ZNF18: variants seen among roughly 807,000 people sequenced by gnomAD.
The protein encoded by ZNF18 is heart development-specific gene 1 protein.
In ZNF18, 42 loss-of-function variants were observed where a neutral mutation model predicts 58.1. The ratio of observed to expected loss-of-function variants is 0.72; its 90% CI spans 0.56 to 0.93. The LOEUF (loss-of-function observed/expected upper bound fraction) is 0.93, where lower values mean the gene tolerates loss of function less well. Ranked by LOEUF, ZNF18 falls within the 40% of genes least tolerant of loss-of-function variation. The pLI is 0.00. For missense variants in ZNF18, 540 were observed against 644.2 expected (o/e 0.84, Z 1.75); for synonymous variants, 231 against 239.8 (o/e 0.96, Z 0.34).
Position 11,978,193 on chromosome 17 carries a change from C to T in ZNF18, c.1414G>A (p.Gly472Ser). 9 of 1,614,100 alleles carry T rather than the reference C, an allele frequency of 5.6e-6. No homozygotes were observed. The highest frequency in any genetic ancestry group is 7.6e-6 in the Non-Finnish European group (9 of 1,180,012). ...CGCAATCCTGAGAAGTCACTAAAGC[C>T]TTTCCCACAGTAATCACATTTACAG... ...KPCKCDYCGK[G>S]FSDFSGLRHH... Residue 472 changes from glycine (G) to serine (S), a missense_variant, in exon 7 of 7, where the codon GGC becomes AGC. Transcript: ENST00000580306.
the ZNF18 span, among the ~76,000 whole-genome samples, chr17:12,005,734 T>G: frequency 6.6e-6 from 1 of 152,202 alleles, no homozygotes; most frequent in Admixed American, 6.5e-5. Flanking sequence ...AGAACTTTAT[T>G]CAATAAATAA....
At chr17:12,004,609 C>T in the ZNF18 span, among the ~76,000 whole-genome samples, 5 of 152,132 alleles carry the variant, frequency 3.3e-5, no homozygotes, top group African/African-American at 9.6e-5. Context: ...CGTTTATGGC[C>T]GGGCACGGTG....
In ZNF18 at chr17:11,992,562, G is replaced by A; in HGVS notation, c.268C>T (p.Leu90=). ...TGGATCTCCCCAGGCAGGATGGTCA[G>A]AAACTGCTCCAACATGAGGATCTCT... The part of the protein sequence containing the change: ...ILEILMLEQF[L]TILPGEIQMW... The change falls in exon 2 of 7, where the codon CTG becomes TTG. Residue 90 remains leucine, a synonymous_variant. Transcript: ENST00000580306. 1 of 1,614,232 alleles carries A rather than the reference G, an allele frequency of 6.2e-7. No homozygotes were observed. Among genetic ancestry groups the A allele is most frequent in the Non-Finnish European group, 8.5e-7 (1 of 1,180,044 alleles).
intron 6 of ZNF18, among the ~76,000 whole-genome samples, chr17:11,979,854 T>G (rs1233190105): frequency 6.6e-6 from 1 of 152,162 alleles, no homozygotes; most frequent in Non-Finnish European, 1.5e-5. Context: ...CTCGTGTTTT[T>G]AAAAAAGCCT....
intron 6 of ZNF18, among the ~76,000 whole-genome samples, chr17:11,979,881 A>G (rs961122703): frequency 2.6e-5 from 4 of 152,246 alleles, no homozygotes; most frequent in African/African-American, 9.6e-5. Context: ...ATATCATTTT[A>G]AAGAGCTGAG....
At chr17:11,990,086 G>A (rs1029612514) in intron 4 of ZNF18, among the ~76,000 whole-genome samples, 3 of 151,962 alleles carry the variant, frequency 2.0e-5, no homozygotes, top group African/African-American at 7.2e-5. Flanking sequence ...TAGAAATAAT[G>A]GCCAAAAATT....
intron 4 of ZNF18, among the ~76,000 whole-genome samples, chr17:11,984,683 T>C (rs1379017630): frequency 6.6e-6 from 1 of 151,962 alleles, no homozygotes; most frequent in Non-Finnish European, 1.5e-5. Flanking sequence ...CCTGGCTAAT[T>C]TTTGTATTTT....
At chr17:12,008,035 G>A in the ZNF18 span, among the ~76,000 whole-genome samples, 1 of 152,166 alleles carries the variant, frequency 6.6e-6, no homozygotes, top group East Asian at 1.9e-4. Flanking sequence ...GAGTCTTGAG[G>A]AGGGCCACTG....
chr17:11,992,813 C>A lies in ZNF18; in HGVS notation c.17G>T (p.Gly6Val). ...CGATGGCAGCAGGCCTAGGGCCTGCCCCAAGTCAACGGGCATTGTCCAGCC... is the reference window on the plus strand; with the variant it reads ...CGATGGCAGCAGGCCTAGGGCCTGCACCAAGTCAACGGGCATTGTCCAGCC... MPVDL[G>V]QALGLLPSLA... The change falls in exon 2 of 7, where the codon GGG becomes GTG. Residue 6 changes from glycine (G) to valine (V), a missense_variant. Gly to Val is a moderately radical substitution (Grantham distance 109). Coordinates refer to ENST00000580306, the MANE Select transcript of ZNF18 (RefSeq NM_001303281.2). 6.2e-7 allele frequency: 1 copy of A among 1,612,386 alleles called. No individual in the cohort carries two copies. The highest frequency in any genetic ancestry group is 8.5e-7 in the Non-Finnish European group (1 of 1,179,454).
At chr17:12,021,167 G>A in the ZNF18 span, among the ~76,000 whole-genome samples, 17 of 151,674 alleles carry the variant, frequency 1.1e-4, no homozygotes, top group South Asian at 4.1e-4. Flanking sequence ...GGCCGCCTCC[G>A]GCCCGGCTTG....
At chr17:12,017,341 CT>C in the ZNF18 span, among the ~76,000 whole-genome samples, 1 of 152,204 alleles carries the variant, frequency 6.6e-6, no homozygotes, top group Admixed American at 6.5e-5. Flanking sequence ...ACCTGCACAG[CT>C]TGCAGCTCTC....
the ZNF18 span, among the ~76,000 whole-genome samples, chr17:12,012,455 T>C: frequency 1.3e-5 from 2 of 152,232 alleles, no homozygotes; most frequent in African/African-American, 4.8e-5. Flanking sequence ...AACGTGAGAA[T>C]ATCTGTAAGA....
At chr17:12,020,970 G>A in the ZNF18 span, 1 of 1,213,162 alleles carries the variant, frequency 8.2e-7, no homozygotes, top group Non-Finnish European at 1.0e-6. Context: ...GGTCCCCGGC[G>A]CCAGGCCACC....
intron 4 of ZNF18, among the ~76,000 whole-genome samples, chr17:11,985,376 ACTTT>A (rs1182790266): frequency 6.6e-6 from 1 of 152,184 alleles, no homozygotes; most frequent in African/African-American, 2.4e-5. Context: ...CAACGTTGCC[ACTTT>A]CTAGCTGTGC....
the ZNF18 span, among the ~76,000 whole-genome samples, chr17:12,009,426 C>T: frequency 6.6e-6 from 1 of 151,654 alleles, no homozygotes; most frequent in Non-Finnish European, 1.5e-5. Context: ...CATCTCTGTG[C>T]CATACATTCC....
In ZNF18 at chr17:11,978,636, G is replaced by A; in HGVS notation, c.971C>T (p.Ser324Phe). Residue 324 changes from serine (S) to phenylalanine (F), a missense_variant, in exon 7 of 7, where the codon TCC becomes TTC. Physicochemically the swap from Ser to Phe is radical, Grantham distance 155. Transcript: ENST00000580306. The stretch of plus-strand genomic sequence containing the variant: ...ATCCTCAGTGAAGAAGCCCCTCAAG[G>A]AAGCCTGAGAAGGAACCTCTCCTGA... ...QASGEVPSQA[S>F]LRGFFTEDEP... 6.2e-7 allele frequency: 1 copy of A among 1,613,918 alleles called. No individual in the cohort carries two copies. The highest frequency in any genetic ancestry group is 1.1e-5 in the South Asian group (1 of 91,068).
chr17:11,978,249 T>C lies in ZNF18; in HGVS notation c.1358A>G (p.Lys453Arg), dbSNP rs1269763481. The C allele has an allele frequency of 3.7e-6, 6 of 1,613,236 alleles. No individual in the cohort carries two copies. The highest frequency in any genetic ancestry group is 1.3e-5 in the African/African-American group (1 of 74,838). Residue 453 changes from lysine to arginine, a missense_variant, in exon 7 of 7, where the codon AAG (lysine) becomes AGG (arginine). Lys to Arg is a conservative substitution (Grantham distance 26). Coordinates refer to ENST00000580306, the MANE Select transcript of ZNF18 (RefSeq NM_001303281.2). ...KAFLRSSDFVKHQRTHTGEKP... is the reference protein window; with the variant it reads ...KAFLRSSDFVRHQRTHTGEKP... ...CTCTCCCGTGTGAGTTCTCTGATGC[T>C]TCACAAAGTCTGAACTCCGCAGAAA...
chr17:12,013,878 T>C, the ZNF18 span, among the ~76,000 whole-genome samples: 1 of 152,242 alleles, frequency 6.6e-6, no homozygotes, highest in Non-Finnish European at 1.5e-5. Flanking sequence ...ACAACAAACC[T>C]GTATGGAACA....
Position 11,992,565 on chromosome 17 carries a change from A to T in ZNF18, c.265T>A (p.Phe89Ile), listed in dbSNP as rs1247785886. ...QILEILMLEQ[F>I]LTILPGEIQM... Reference sequence around the variant, plus strand: ...ATCTCCCCAGGCAGGATGGTCAGAAACTGCTCCAACATGAGGATCTCTAGG... The same window carrying T: ...ATCTCCCCAGGCAGGATGGTCAGAATCTGCTCCAACATGAGGATCTCTAGG... Residue 89 changes from phenylalanine (F) to isoleucine (I), a missense_variant, in exon 2 of 7, where the codon TTT (phenylalanine) becomes ATT (isoleucine). Transcript: ENST00000580306. 6.2e-7 allele frequency: 1 copy of T among 1,614,178 alleles called. No individual in the cohort carries two copies. The highest frequency in any genetic ancestry group is 1.1e-5 in the South Asian group (1 of 91,078).
Sources: gnomAD v4.1 joint callset for allele counts (sites outside exome capture counted in the v4.1 genomes callset) on GRCh38, gnomAD v4.1.1 for gene constraint, MANE v1.5 for transcripts, NCBI Gene and HGNC (gene_info 2026-07-23, HGNC 2026-07-21) for gene names.